The following SIK3 variants were observed in gnomAD, a reference collection of about 807,000 sequenced individuals.
The protein encoded by SIK3 is serine/threonine-protein kinase SIK3.
In SIK3, 28 loss-of-function variants were observed where a neutral mutation model predicts 144.2. The ratio of observed to expected loss-of-function variants is 0.19; its 90% CI spans 0.14 to 0.27. SIK3 has a LOEUF of 0.27. SIK3 is among the 10% of genes least tolerant of loss of function. The pLI, the probability that SIK3 is intolerant of heterozygous loss-of-function variation, is 1.00. For synonymous variants in SIK3, 686 were observed against 676.3 expected (o/e 1.01, Z -0.22); for missense variants, 1,319 against 1,776.0 (o/e 0.74, Z 4.62).
intron 1 of SIK3, among the ~76,000 whole-genome samples, chr11:117,045,224 G>T (rs1952907553): frequency 6.6e-6 from 1 of 152,148 alleles, no homozygotes; most frequent in African/African-American, 2.4e-5. Flanking sequence ...AAAAACCTCT[G>T]TTCGCCAGCC....
intron 1 of SIK3, among the ~76,000 whole-genome samples, chr11:117,032,413 G>T (rs1952300511): frequency 6.6e-6 from 1 of 152,096 alleles, no homozygotes; most frequent in Admixed American, 6.5e-5. Context: ...TATTTCTTTT[G>T]ATTGAACTGT....
chr11:116,929,273 A>G (rs978268474), intron 3 of SIK3, among the ~76,000 whole-genome samples: 2 of 152,210 alleles, frequency 1.3e-5, no homozygotes. Context: ...AAGAGCTTTG[A>G]AGAGACAGCT....
Position 116,843,827 on chromosome 11 carries a change from C to T in SIK3, c.*1816G>A, listed in dbSNP as rs993523574. On this transcript the variant is annotated 3_prime_UTR_variant, in exon 25 of 25. Coordinates refer to ENST00000445177, the MANE Select transcript of SIK3 (RefSeq NM_001366686.3). ...GTGACCCCACCAAGTGGAGGGGAGA[C>T]TGGGGACCATGGAAACATGGGACAG... is the stretch of plus-strand genomic sequence containing the variant. The T allele has an allele frequency of 1.3e-5, 2 of 152,154 alleles. No homozygotes were observed. Among genetic ancestry groups the T allele is most frequent in the Non-Finnish European group, 2.9e-5 (2 of 68,036 alleles). The allele number at this position is 152,154 out of a possible 1,614,324, so 9.4% of individuals were successfully genotyped here.
At chr11:117,093,375 T>C (rs549553029) in intron 1 of SIK3, among the ~76,000 whole-genome samples, 85 of 152,342 alleles carry the variant, frequency 5.6e-4, no homozygotes, top group Admixed American at 1.4e-3. Context: ...AAAGGGGTCA[T>C]AGGGCAAAAT....
At chr11:116,967,377 T>C (rs1022204276) in intron 1 of SIK3, among the ~76,000 whole-genome samples, 2 of 152,336 alleles carry the variant, frequency 1.3e-5, no homozygotes, top group East Asian at 1.9e-4. Flanking sequence ...ACTTCCCCTA[T>C]GGAGATTTAT....
intron 1 of SIK3, among the ~76,000 whole-genome samples, chr11:117,051,471 C>G (rs1339087590): frequency 6.6e-6 from 1 of 152,006 alleles, no homozygotes; most frequent in African/African-American, 2.4e-5. Flanking sequence ...AAATAAACCT[C>G]TTCTATATCT....
chr11:116,898,996 T>C (rs1031383731), intron 4 of SIK3, among the ~76,000 whole-genome samples: 8 of 149,424 alleles, frequency 5.4e-5, no homozygotes, highest in Admixed American at 1.3e-4. Flanking sequence ...CTTGTCAATT[T>C]TGGCTTTTGT....
intron 1 of SIK3, among the ~76,000 whole-genome samples, chr11:117,019,278 C>A (rs761860258): frequency 2.0e-5 from 3 of 152,076 alleles, no homozygotes; most frequent in African/African-American, 7.2e-5. Context: ...CCTCAGCCTC[C>A]CAAAGTGCCA....
chr11:116,919,227 A>G (rs1946830220), intron 4 of SIK3, among the ~76,000 whole-genome samples: 1 of 152,224 alleles, frequency 6.6e-6, no homozygotes, highest in Non-Finnish European at 1.5e-5. Context: ...TCTTTTCTAT[A>G]TGATGGTATC....
At chr11:117,013,903 G>GTGTGTGTGTGTGTGTGTGTGTGT (rs1555127047) in intron 1 of SIK3, among the ~76,000 whole-genome samples, 2 of 52,764 alleles carry the variant, frequency 3.8e-5, no homozygotes, top group African/African-American at 1.2e-4. Context: ...ATTCTGAGGG[G>GTGTGTGTGTGTGTGTGTGTGTGT]GGGGGGGGGA....
intron 1 of SIK3, among the ~76,000 whole-genome samples, chr11:117,070,510 G>A (rs1307467751): frequency 4.0e-5 from 6 of 151,178 alleles, no homozygotes; most frequent in Non-Finnish European, 7.4e-5. Context: ...GCAATGGCAC[G>A]ATCTCGGCTC....
chr11:116,938,530 C>A (rs1453680395), intron 3 of SIK3, among the ~76,000 whole-genome samples: 1 of 41,020 alleles, frequency 2.4e-5, no homozygotes, highest in African/African-American at 1.2e-4. Flanking sequence ...AAGAAGGGGA[C>A]GGGACGGAAG....
In SIK3 at chr11:116,939,571, T is replaced by G. The variant is rs150891894; in HGVS notation, c.455-12191A>C. On this transcript the variant is annotated intron_variant, in intron 3 of 24. Transcript: ENST00000445177. ...AACAATAACTATACCTGAAGATTAT[T>G]CTAAGTATCACTAAAAGTGGGAAAA... Among the ~76,000 whole-genome samples, 13 of 152,328 alleles carry G rather than the reference T, an allele frequency of 8.5e-5. 2 individuals carry two copies. Among genetic ancestry groups the G allele is most frequent in the African/African-American group, 3.1e-4 (13 of 41,574 alleles).
At chr11:117,086,083 T>C (rs1475204079) in intron 1 of SIK3, among the ~76,000 whole-genome samples, 1 of 152,238 alleles carries the variant, frequency 6.6e-6, no homozygotes, top group Non-Finnish European at 1.5e-5. Context: ...AGGGCTTCTA[T>C]TGGAGATAAA....
intron 1 of SIK3, among the ~76,000 whole-genome samples, chr11:117,082,752 G>T (rs888760626): frequency 2.6e-5 from 4 of 152,126 alleles, no homozygotes. Context: ...TGGGTGAACT[G>T]TATGGTCTGT....
In SIK3 at chr11:116,861,304, G is replaced by T. The variant is rs368729211; in HGVS notation, c.2395C>A (p.Pro799Thr). ...LFRQPSNSPP[P>T]MSSAMIQPHG... ...GGCTGGATCATGGCACTGCTCATGGGGGGAGGACTATTACTGGGCTGCCTG... is the reference window on the plus strand; with the variant it reads ...GGCTGGATCATGGCACTGCTCATGGTGGGAGGACTATTACTGGGCTGCCTG... The change falls in exon 19 of 25, where the codon CCC (proline) becomes ACC (threonine). Residue 799 changes from proline to threonine, a missense_variant. Physicochemically the swap from Pro to Thr is conservative, Grantham distance 38. Transcript: ENST00000445177. The T allele has an allele frequency of 1.4e-5, 23 of 1,595,836 alleles. No individual in the cohort carries two copies. In the East Asian group the frequency reaches 2.3e-4, roughly 16 times the overall value.
intron 1 of SIK3, among the ~76,000 whole-genome samples, chr11:117,054,946 T>C (rs967416065): frequency 1.8e-4 from 28 of 152,094 alleles, no homozygotes; most frequent in Admixed American, 7.9e-4. Flanking sequence ...GGAATAATAA[T>C]AATAGCAACT....
intron 1 of SIK3, among the ~76,000 whole-genome samples, chr11:117,009,276 T>TAGCTC (rs1401425042): frequency 6.8e-5 from 10 of 146,612 alleles, no homozygotes; most frequent in Non-Finnish European, 1.2e-4. Flanking sequence ...CCAGGCATGA[T>TAGCTC]AGCTCATGCC....
intron 21 of SIK3, among the ~76,000 whole-genome samples, chr11:116,854,948 C>T (rs770168208): frequency 3.3e-5 from 5 of 151,474 alleles, no homozygotes; most frequent in South Asian, 2.1e-4. Flanking sequence ...TAGCCGGGTG[C>T]GGTAGTGCAC....
Sources: allele counts gnomAD v4.1 joint callset (sites outside exome capture counted in the v4.1 genomes callset), GRCh38; gene constraint gnomAD v4.1.1; transcripts MANE v1.5; gene names NCBI Gene and HGNC (gene_info 2026-07-23, HGNC 2026-07-21).